The following GRAMD1B variants were observed in gnomAD, a reference collection of about 807,000 sequenced individuals.
The protein encoded by GRAMD1B is GRAM domain containing 1B, also known as protein Aster-B.
In GRAMD1B, 37 loss-of-function variants were observed where a neutral mutation model predicts 99.7. The ratio of observed to expected loss-of-function variants is 0.37; its 90% CI spans 0.29 to 0.49. The LOEUF (loss-of-function observed/expected upper bound fraction) is 0.49, where lower values mean the gene tolerates loss of function less well. Ranked by LOEUF, GRAMD1B falls within the 20% of genes least tolerant of loss-of-function variation. The pLI is 0.98. For synonymous variants in GRAMD1B, 427 were observed against 387.6 expected (o/e 1.10, Z -1.19); for missense variants, 888 against 1,009.2 (o/e 0.88, Z 1.63).
At chr11:123,622,468 G>A (rs377213705) in intron 19 of GRAMD1B, 38 bp from the exon 20 acceptor site, 62 of 1,272,598 alleles carry the variant, frequency 4.9e-5, no homozygotes, top group Non-Finnish European at 6.2e-5. Context: ...CACTAAAAGC[G>A]CAGACCCAGG....
intron 2 of GRAMD1B, among the ~76,000 whole-genome samples, chr11:123,499,386 G>A (rs1939623781): frequency 6.6e-6 from 1 of 152,168 alleles, no homozygotes; most frequent in Non-Finnish European, 1.5e-5. Flanking sequence ...ACCAGTCTGT[G>A]GTATTCTGTT....
rs146094730 is a variant in GRAMD1B at position 123,492,154 on chromosome 11, A to G, written c.452+11261A>G. On this transcript the variant is annotated intron_variant, in intron 2 of 19. Coordinates refer to ENST00000635736, the MANE Select transcript of GRAMD1B (RefSeq NM_001387025.1). This position sits in a 1 kb window ranked among gnomAD's most constrained non-coding sequence, Gnocchi z 4.2. ...TCTGTGCCTCACTGTGTGCCTCCCA[A>G]CGAGGTGCCTTGGCCTCCGGGTCCT... Among the ~76,000 whole-genome samples, 289 of 152,266 alleles carry G rather than the reference A, an allele frequency of 1.9e-3. 2 individuals carry two copies. Among genetic ancestry groups the G allele is most frequent in the African/African-American group, 6.6e-3 (275 of 41,558 alleles).
chr11:123,540,638 A>G (rs544980960), intron 2 of GRAMD1B, among the ~76,000 whole-genome samples: 1 of 152,250 alleles, frequency 6.6e-6, no homozygotes, highest in African/African-American at 2.4e-5. Context: ...TGGGCATTGT[A>G]TAAAAATTAG....
At chr11:123,468,808 A>AG (rs1277103573) in intron 1 of GRAMD1B, among the ~76,000 whole-genome samples, 1 of 151,414 alleles carries the variant, frequency 6.6e-6, no homozygotes, top group Non-Finnish European at 1.5e-5. Context: ...AAAAAAAAAA[A>AG]AAAAAAAGTA....
At chr11:123,573,011 G>C (rs1476790481) in intron 2 of GRAMD1B, among the ~76,000 whole-genome samples, 1 of 149,684 alleles carries the variant, frequency 6.7e-6, no homozygotes, top group African/African-American at 2.5e-5. Context: ...GATGGCTGGG[G>C]CAGAGGCCCA....
chr11:123,482,567 C>G (rs1951671205), intron 2 of GRAMD1B, among the ~76,000 whole-genome samples: 1 of 152,148 alleles, frequency 6.6e-6, no homozygotes, highest in African/African-American at 2.4e-5. Flanking sequence ...TAATATGACA[C>G]AACTACCAAA....
In GRAMD1B at chr11:123,610,774, G is replaced by T. The variant is rs1953432158; in HGVS notation, c.1919+436G>T. On this transcript the variant is annotated intron_variant, in intron 14 of 19. Transcript: ENST00000635736. The surrounding 1 kb of genome is among the most constrained non-coding windows in gnomAD (Gnocchi z 4.1). ...TGTAAACCTGTGCTCTGTCCACCAT[G>T]CTGCGTGGATTGCCATTAGTGTTAG... 6.6e-6 allele frequency among the ~76,000 whole-genome samples: 1 copy of T among 152,184 alleles called. No individual in the cohort carries two copies.
intron 17 of GRAMD1B, among the ~76,000 whole-genome samples, chr11:123,617,895 C>CCT (rs1002164544): frequency 3.3e-5 from 5 of 152,090 alleles, no homozygotes; most frequent in African/African-American, 4.8e-5. Flanking sequence ...ATGATCCTTG[C>CCT]CTCCCCTGTC....
At chr11:123,537,027 T>C (rs1944038840) in intron 2 of GRAMD1B, among the ~76,000 whole-genome samples, 1 of 152,226 alleles carries the variant, frequency 6.6e-6, no homozygotes, top group African/African-American at 2.4e-5. Flanking sequence ...ATATTCTTCC[T>C]GAGTTTCCAC....
rs141544904 is a variant in GRAMD1B, at chr11:123,537,018, T to C, written c.453-40349T>C. Among the ~76,000 whole-genome samples the C allele has an allele frequency of 8.5e-5, 13 of 152,358 alleles. No individual in the cohort carries two copies. In the East Asian group the frequency reaches 1.2e-3, roughly 14 times the overall value. On this transcript the variant is annotated intron_variant, in intron 2 of 19. Coordinates refer to ENST00000635736, the MANE Select transcript of GRAMD1B (RefSeq NM_001387025.1). Reference sequence around the variant, plus strand: ...GATCTTTAGTGTACAAGACCTTTAATATTCTTCCTGAGTTTCCACTGGATT... The same window carrying C: ...GATCTTTAGTGTACAAGACCTTTAACATTCTTCCTGAGTTTCCACTGGATT...
intron 2 of GRAMD1B, among the ~76,000 whole-genome samples, chr11:123,569,825 T>C (rs1469253302): frequency 6.6e-6 from 1 of 152,224 alleles, no homozygotes; most frequent in Non-Finnish European, 1.5e-5. Flanking sequence ...CATCAGCGTT[T>C]ACCCCATGCT....
intron 2 of GRAMD1B, among the ~76,000 whole-genome samples, chr11:123,559,092 G>A (rs1349965896): frequency 1.3e-5 from 2 of 152,224 alleles, no homozygotes; most frequent in Admixed American, 1.3e-4. Context: ...CCAAACATTT[G>A]CTGTTCAGGG....
chr11:123,415,740 A>G (rs1351879127), intron 1 of GRAMD1B, among the ~76,000 whole-genome samples: 1 of 152,182 alleles, frequency 6.6e-6, no homozygotes, highest in Non-Finnish European at 1.5e-5. Context: ...CTGTTAGTCT[A>G]CTGTTTAATG....
intron 4 of GRAMD1B, among the ~76,000 whole-genome samples, chr11:123,586,314 C>T (rs1950069379): frequency 6.6e-6 from 1 of 152,206 alleles, no homozygotes; most frequent in Non-Finnish European, 1.5e-5. Context: ...TCTGCATCAT[C>T]CTCCTAGATG....
chr11:123,364,303 G>A (rs1946245186), intron 1 of GRAMD1B, among the ~76,000 whole-genome samples: 3 of 152,182 alleles, frequency 2.0e-5, no homozygotes, highest in African/African-American at 7.2e-5. Context: ...CCTCTGAAAT[G>A]AAACAGGCTT....
intron 2 of GRAMD1B, chr11:123,526,148 A>T: frequency 6.2e-7 from 1 of 1,613,018 alleles, no homozygotes; most frequent in Non-Finnish European, 8.5e-7. Flanking sequence ...TGACTGTACT[A>T]ATGAAAGGAT....
chr11:123,390,776 T>A (rs1947249883), intron 1 of GRAMD1B, among the ~76,000 whole-genome samples: 1 of 152,252 alleles, frequency 6.6e-6, no homozygotes, highest in Non-Finnish European at 1.5e-5. Flanking sequence ...ATGCCACTTT[T>A]CTTTGACCCC....
chr11:123,500,182 G>A (rs1021742608), intron 2 of GRAMD1B, among the ~76,000 whole-genome samples: 7 of 152,134 alleles, frequency 4.6e-5, no homozygotes, highest in African/African-American at 1.4e-4. Flanking sequence ...TTAGCTGGGC[G>A]TGGTTGTGCA....
chr11:123,537,104 C>T lies in GRAMD1B; in HGVS notation c.453-40263C>T, dbSNP rs368242897. ...TAAACTGACATTTCTTGAGTATCTA[C>T]TGGGCTAGGTGGCAAGCATAAAAGG... On this transcript the variant is annotated intron_variant, in intron 2 of 19. Transcript: ENST00000635736. Among the ~76,000 whole-genome samples the T allele has an allele frequency of 8.5e-5, 13 of 152,242 alleles. No individual in the cohort carries two copies. In the East Asian group the frequency reaches 2.3e-3, roughly 27 times the overall value.
Sources: allele counts gnomAD v4.1 joint callset (sites outside exome capture counted in the v4.1 genomes callset), GRCh38; gene constraint gnomAD v4.1.1; non-coding constraint Gnocchi (gnomAD v3.1); transcripts MANE v1.5; gene names NCBI Gene and HGNC (gene_info 2026-07-23, HGNC 2026-07-21).